Variants in SLC6A3 observed in about 807,000 individuals in gnomAD.
SLC6A3 encodes solute carrier family 6 member 3.
In SLC6A3, 19 loss-of-function variants were observed where a neutral mutation model predicts 70.4. That is an observed-to-expected ratio of 0.27 (90% CI 0.19 to 0.40). SLC6A3 has a LOEUF of 0.40. Among genes scored for constraint, SLC6A3 ranks in the 10% least tolerant of loss-of-function variants. SLC6A3 has a pLI of 1.00. For missense variants in SLC6A3, 613 were observed against 838.5 expected, an observed-to-expected ratio of 0.73 and a Z score of 3.32; for synonymous variants, 368 against 356.6, an observed-to-expected ratio of 1.03 and a Z score of -0.36.
At chr5:1,410,262 G>A (rs1004930353) in intron 9 of SLC6A3, among the ~76,000 whole-genome samples, 1 of 152,126 alleles carries the variant, frequency 6.6e-6, no homozygotes, top group African/African-American at 2.4e-5. Flanking sequence ...CCTTCCCGAC[G>A]GAGCCTCCTG....
At position 1,402,872 on chromosome 5, in the gene SLC6A3, C is replaced by G. The variant is rs1334649919; in HGVS notation, c.1767+50G>C. The G allele has an allele frequency of 6.3e-7, 1 of 1,594,820 alleles. No individual in the cohort carries two copies. Among genetic ancestry groups the G allele is most frequent in the Non-Finnish European group, 8.6e-7 (1 of 1,167,946 alleles). On this transcript the variant is annotated intron_variant, in intron 13 of 14. Transcript: ENST00000270349. This position sits in a 1 kb window ranked among gnomAD's most constrained non-coding sequence, Gnocchi z 8.5. The stretch of plus-strand genomic sequence containing the variant: ...CTGGGGCCATGGACACCCACGGAGC[C>G]TTTCTGGTGGCCTCACACTCGGGTG...
intron 11 of SLC6A3, among the ~76,000 whole-genome samples, chr5:1,407,015 G>A (rs1041323758): frequency 7.9e-5 from 12 of 152,166 alleles, no homozygotes; most frequent in Admixed American, 4.6e-4. Context: ...TGAGTATACC[G>A]TCACTGTGTC....
Position 1,405,944 on chromosome 5 carries a change from C to T in SLC6A3, c.1599+244G>A, listed in dbSNP as rs951204729. Among the ~76,000 whole-genome samples the T allele has an allele frequency of 4.6e-5, 7 of 152,218 alleles. No homozygotes were observed. Among genetic ancestry groups the T allele is most frequent in the Non-Finnish European group, 8.8e-5 (6 of 68,026 alleles). On this transcript the variant is annotated intron_variant, in intron 12 of 14. Transcript: ENST00000270349. The surrounding 1 kb of genome is among the most constrained non-coding windows in gnomAD (Gnocchi z 5.3). ...CGCGGCCCAAGTGCAGGACTCACAACGGACTGTGACAGGGGTCCAAGACCA... is the reference window on the plus strand; with the variant it reads ...CGCGGCCCAAGTGCAGGACTCACAATGGACTGTGACAGGGGTCCAAGACCA...
At position 1,394,564 on chromosome 5, in the gene SLC6A3, G is replaced by T; in HGVS notation, c.*171C>A. On this transcript the variant is annotated 3_prime_UTR_variant, in exon 15 of 15. Coordinates refer to ENST00000270349, the MANE Select transcript of SLC6A3 (RefSeq NM_001044.5). This position sits in a 1 kb window ranked among gnomAD's most constrained non-coding sequence, Gnocchi z 4.7. ...CACGGCGAGGTGCGCTCCCGGCACG[G>T]AAAGGTGTAAACAGTCAGAAGAGAG... 1.3e-6 allele frequency: 1 copy of T among 750,874 alleles called. No individual in the cohort carries two copies. Among genetic ancestry groups the T allele is most frequent in the Non-Finnish European group, 2.4e-6 (1 of 415,346 alleles). 46.5% of individuals were successfully genotyped at this position (750,874 alleles called of 1,614,324 possible).
chr5:1,431,924 G>A (rs773583879), intron 4 of SLC6A3, among the ~76,000 whole-genome samples: 29 of 152,338 alleles, frequency 1.9e-4, no homozygotes, highest in East Asian at 3.9e-4. Flanking sequence ...TGTGAAAAGC[G>A]GACGGCTGGG....
At position 1,411,144 on chromosome 5, in the gene SLC6A3, T is replaced by A; in HGVS notation, c.1269+99A>T. ...GGACAGGAGGTCTGGGGGCCGTACG[T>A]GAGCCCAGGGATCTTGCCTAGCCCT... On this transcript the variant is annotated intron_variant, in intron 9 of 14. Transcript: ENST00000270349. This position sits in a 1 kb window ranked among gnomAD's most constrained non-coding sequence, Gnocchi z 6.5. 1 of 837,864 alleles carries A rather than the reference T, an allele frequency of 1.2e-6. No individual in the cohort carries two copies. The highest frequency in any genetic ancestry group is 2.0e-6 in the Non-Finnish European group (1 of 503,466). The allele number at this position is 837,864 out of a possible 1,614,324, so 51.9% of individuals were successfully genotyped here.
intron 8 of SLC6A3, among the ~76,000 whole-genome samples, chr5:1,414,478 G>A (rs578023723): frequency 2.2e-5 from 3 of 138,942 alleles, no homozygotes; most frequent in South Asian, 2.3e-4. Context: ...CGCTGGGTGG[G>A]GGGCCTGGAG....
rs369778907 is a variant in SLC6A3, at chr5:1,443,102, G to C, written c.96C>G (p.Ile32Met). The C allele has an allele frequency of 3.1e-6, 5 of 1,614,136 alleles. No individual in the cohort carries two copies. The highest frequency in any genetic ancestry group is 4.2e-6 in the Non-Finnish European group (5 of 1,180,056). The change falls in exon 2 of 15, where the codon ATC becomes ATG. Residue 32 changes from isoleucine (I) to methionine (M), a missense_variant. By Grantham distance (10) the Ile-to-Met change is conservative. This residue lies in a region of SLC6A3 where 111 missense variants were observed against 91.6 expected (regional missense o/e 1.21). Transcript: ENST00000270349. ...GCACTCCGTTCTGCTCCTTGACAAG[G>C]ATGAGCTCCACCTCCTTCGGGCCCA... Reference protein sequence around the residue: ...NAVGPKEVELILVKEQNGVQL... With the variant: ...NAVGPKEVELMLVKEQNGVQL...
At chr5:1,423,542 T>C (rs1756511757) in intron 4 of SLC6A3, among the ~76,000 whole-genome samples, 1 of 152,236 alleles carries the variant, frequency 6.6e-6, no homozygotes, top group Non-Finnish European at 1.5e-5. Context: ...ACAGATTCAG[T>C]GGATGACTCT....
rs554745570 is a variant in SLC6A3 at position 1,393,048 on chromosome 5, C to G, written c.*1687G>C. ...AGCGGCCAGAAGGCGATGGGGAAGC[C>G]GTCCTCTGTGTCCCTCCCCAGAAGG... On this transcript the variant is annotated 3_prime_UTR_variant, in exon 15 of 15. Coordinates refer to ENST00000270349, the MANE Select transcript of SLC6A3 (RefSeq NM_001044.5). 6.6e-6 allele frequency: 1 copy of G among 150,634 alleles called. No individual in the cohort carries two copies. The highest frequency in any genetic ancestry group is 1.5e-5 in the Non-Finnish European group (1 of 67,708). The allele number at this position is 150,634 out of a possible 1,614,324, so 9.3% of individuals were successfully genotyped here. A position where few individuals can be genotyped will look rare whatever the true frequency, so the allele number is the denominator to read the frequency against.
intron 14 of SLC6A3, among the ~76,000 whole-genome samples, chr5:1,399,159 A>T (rs1326828903): frequency 6.6e-6 from 1 of 152,256 alleles, no homozygotes; most frequent in Admixed American, 6.5e-5. Context: ...ATTAATTTGG[A>T]AATTAAAAAC....
At position 1,406,224 on chromosome 5, in the gene SLC6A3, C is replaced by A. The variant is rs1207751751; in HGVS notation, c.1563G>T (p.Arg521=). Residue 521 remains arginine (R), a synonymous_variant, in exon 12 of 15, where the codon CGG becomes CGT. Transcript: ENST00000270349. This position sits in a 1 kb window ranked among gnomAD's most constrained non-coding sequence, Gnocchi z 8.8. ...MTGQRPSLYW[R]LCWKLVSPCF... ...AGGGGCTGACCAGCTTCCAGCACAG[C>A]CGCCAGTACAGGCTGGGCCGCTGCC... 1.2e-6 allele frequency: 2 copies of A among 1,612,994 alleles called. No individual in the cohort carries two copies. The highest frequency in any genetic ancestry group is 1.7e-6 in the Non-Finnish European group (2 of 1,179,974).
At position 1,396,308 on chromosome 5, in the gene SLC6A3, T is replaced by C. The variant is rs1436391955; in HGVS notation, c.1840-1550A>G. 6.6e-6 allele frequency among the ~76,000 whole-genome samples: 1 copy of C among 152,222 alleles called. No homozygotes were observed. The highest frequency in any genetic ancestry group is 1.9e-4 in the East Asian group (1 of 5,196). On this transcript the variant is annotated intron_variant, in intron 14 of 14. Transcript: ENST00000270349. This position sits in a 1 kb window ranked among gnomAD's most constrained non-coding sequence, Gnocchi z 7.0. ...ATAATAGGGATCGAATTTACCCTAC[T>C]GTCCGAAACAAGCCCCAAATAAACA...
chr5:1,443,511 C>A (rs1733731999), intron 1 of SLC6A3, among the ~76,000 whole-genome samples: 1 of 152,190 alleles, frequency 6.6e-6, no homozygotes, highest in South Asian at 2.1e-4. Context: ...GCACCCCTCC[C>A]CACTCCTATC....
chr5:1,431,113 G>A lies in SLC6A3; in HGVS notation c.653+1351C>T, dbSNP rs377729452. On this transcript the variant is annotated intron_variant, in intron 4 of 14. Coordinates refer to ENST00000270349, the MANE Select transcript of SLC6A3 (RefSeq NM_001044.5). The stretch of plus-strand genomic sequence containing the variant: ...GACGGCTGAGTCGAAGAGTCCGCCT[G>A]TCAGAACGGCGACCCGGCACGAGGC... Among the ~76,000 whole-genome samples the A allele has an allele frequency of 9.8e-5, 15 of 152,368 alleles. No individual in the cohort carries two copies. The East Asian group carries it at 1.4e-3, about 14-fold the overall frequency.
At chr5:1,420,846 T>C in intron 5 of SLC6A3, 143 bp from the exon 6 acceptor site, 1 of 834,096 alleles carries the variant, frequency 1.2e-6, no homozygotes, top group Non-Finnish European at 2.0e-6. Context: ...GGACGCCAGC[T>C]CAGCAAATGC....
chr5:1,439,895 C>T (rs1168717270), intron 3 of SLC6A3, among the ~76,000 whole-genome samples: 5 of 152,332 alleles, frequency 3.3e-5, no homozygotes, highest in African/African-American at 1.2e-4. Context: ...CTGATGGGGA[C>T]ACCAGGGGGA....
In SLC6A3 at chr5:1,405,583, TG is replaced by T. The variant is rs1755954747; in HGVS notation, c.1599+604del. On this transcript the variant is annotated intron_variant, in intron 12 of 14. Transcript: ENST00000270349. The surrounding 1 kb of genome is among the most constrained non-coding windows in gnomAD (Gnocchi z 5.3). ...GAGCCTCCAGGCCTCTGTGGTTCAG[TG>T]GGGGAAGCACTGCAGGCAATCCCTA... is the stretch of plus-strand genomic sequence containing the variant. Among the ~76,000 whole-genome samples, 1 of 152,222 alleles carries T rather than the reference TG, an allele frequency of 6.6e-6. No individual in the cohort carries two copies. The highest frequency in any genetic ancestry group is 2.4e-5 in the African/African-American group (1 of 41,456).
chr5:1,432,618 G>T lies in SLC6A3; in HGVS notation c.499C>A (p.Leu167Ile). ...AGCTCCGTGGTGAAGGAGGAGAAGAGATAGTGCAGCGCCCAGGCGATGATG... is the reference window on the plus strand; with the variant it reads ...AGCTCCGTGGTGAAGGAGGAGAAGATATAGTGCAGCGCCCAGGCGATGATG... ...NVIIAWALHY[L>I]FSSFTTELPW... Residue 167 changes from leucine (L) to isoleucine (I), a missense_variant, in exon 4 of 15, where the codon CTC becomes ATC. This residue lies in a region of SLC6A3 where 153 missense variants were observed against 249.4 expected (regional missense o/e 0.61). Transcript: ENST00000270349. 1 of 1,614,230 alleles carries T rather than the reference G, an allele frequency of 6.2e-7. No individual in the cohort carries two copies.
Sources: gnomAD v4.1 joint callset for allele counts (sites outside exome capture counted in the v4.1 genomes callset) on GRCh38, gnomAD v4.1.1 for gene constraint, gnomAD v4.1.1 regional missense constraint, Gnocchi (gnomAD v3.1) non-coding constraint, MANE v1.5 for transcripts, NCBI Gene and HGNC (gene_info 2026-07-23, HGNC 2026-07-21) for gene names.